CSMD1: variants seen among roughly 807,000 people sequenced by gnomAD.
The protein encoded by CSMD1 is CUB and sushi domain-containing protein 1.
CSMD1 carries 213 observed loss-of-function variants against 417.5 expected under a neutral mutation model. That is an observed-to-expected ratio of 0.51 (90% CI 0.46 to 0.57). CSMD1 has a LOEUF of 0.57. Among genes scored for constraint, CSMD1 ranks in the 20% least tolerant of loss-of-function variants. The pLI is 0.00. For missense variants in CSMD1, 6,923 were observed against 4,529.7 expected (o/e 1.53, Z -15.17); for synonymous variants, 2,862 against 1,736.8 (o/e 1.65, Z -16.11).
chr8:3,794,618 A>ATT (rs33913201), intron 5 of CSMD1, among the ~76,000 whole-genome samples: 3 of 151,622 alleles, frequency 2.0e-5, no homozygotes, highest in Non-Finnish European at 4.4e-5. Flanking sequence ...ATTAATAATT[A>ATT]TTTTTTAATT....
chr8:4,136,898 A>C (rs1238400172), intron 3 of CSMD1, among the ~76,000 whole-genome samples: 3 of 152,210 alleles, frequency 2.0e-5, no homozygotes, highest in Non-Finnish European at 4.4e-5. Context: ...TTAACAAAGA[A>C]AACAGTCACA....
chr8:4,513,557 A>G (rs947494669), intron 2 of CSMD1, among the ~76,000 whole-genome samples: 2 of 152,214 alleles, frequency 1.3e-5, no homozygotes, highest in Admixed American at 1.3e-4. Context: ...CTAGAGAATC[A>G]TATCAAGTGA....
At chr8:4,843,434 TACAACAACA>T in intron 1 of CSMD1, among the ~76,000 whole-genome samples, 1 of 151,470 alleles carries the variant, frequency 6.6e-6, no homozygotes, top group East Asian at 2.0e-4. Flanking sequence ...TTGGAGAGAT[TACAACAACA>T]ACAACAACAA....
At chr8:4,466,224 C>G (rs962166876) in intron 2 of CSMD1, among the ~76,000 whole-genome samples, 2 of 152,044 alleles carry the variant, frequency 1.3e-5, no homozygotes, top group Admixed American at 6.6e-5. Context: ...AGACAGGGAT[C>G]TCTCCTGGCT....
intron 11 of CSMD1, among the ~76,000 whole-genome samples, chr8:3,474,776 C>G (rs954078746): frequency 3.4e-4 from 51 of 152,162 alleles, no homozygotes; most frequent in Non-Finnish European, 6.8e-4. Flanking sequence ...TATAGTTACA[C>G]AACTAGTCTT....
At chr8:3,418,212 C>G (rs1264215653) in intron 12 of CSMD1, among the ~76,000 whole-genome samples, 4 of 152,116 alleles carry the variant, frequency 2.6e-5, no homozygotes, top group Non-Finnish European at 4.4e-5. Flanking sequence ...GTTTTTCCTT[C>G]CCTTTTGTGG....
intron 26 of CSMD1, among the ~76,000 whole-genome samples, chr8:3,261,539 C>A (rs956315869): frequency 1.3e-5 from 2 of 152,110 alleles, no homozygotes; most frequent in Non-Finnish European, 2.9e-5. Context: ...AAAAGAAAAC[C>A]TGCGCGTGAA....
At chr8:3,871,055 T>A (rs1191067641) in intron 5 of CSMD1, among the ~76,000 whole-genome samples, 1 of 152,120 alleles carries the variant, frequency 6.6e-6, no homozygotes, top group Non-Finnish European at 1.5e-5. Flanking sequence ...TTGTGTATTA[T>A]TCCATGACTT....
At chr8:4,407,479 T>C (rs186975647) in intron 3 of CSMD1, among the ~76,000 whole-genome samples, 1 of 152,314 alleles carries the variant, frequency 6.6e-6, no homozygotes. Context: ...TAATTTTGTA[T>C]ATAATAAATT....
intron 2 of CSMD1, among the ~76,000 whole-genome samples, chr8:4,532,069 C>T (rs1407024510): frequency 6.9e-6 from 1 of 145,312 alleles, no homozygotes; most frequent in African/African-American, 2.6e-5. Context: ...AATCCCGCAC[C>T]CTCATTCACA....
Position 3,770,315 on chromosome 8 carries a change from G to A in CSMD1, c.819-16273C>T, listed in dbSNP as rs977913018. 5.3e-5 allele frequency among the ~76,000 whole-genome samples: 8 copies of A among 152,280 alleles called. No individual in the cohort carries two copies. The East Asian group carries it at 7.7e-4, about 15-fold the overall frequency. On this transcript the variant is annotated intron_variant, in intron 5 of 69. Transcript: ENST00000635120. ...GGCCGAGGGCGGGGGTGGATCACAA[G>A]ATCAGGAGTTCAAGACCAGCCTGTC...
rs183451630 is a variant in CSMD1 at position 4,580,672 on chromosome 8, T to C, written c.302+56670A>G. Among the ~76,000 whole-genome samples, 38 of 152,226 alleles carry C rather than the reference T, an allele frequency of 2.5e-4. 1 individual carries two copies. The East Asian group carries it at 6.8e-3, about 27-fold the overall frequency. On this transcript the variant is annotated intron_variant, in intron 2 of 69. Coordinates refer to ENST00000635120, the MANE Select transcript of CSMD1 (RefSeq NM_033225.6). The stretch of plus-strand genomic sequence containing the variant: ...TCTCTTCTACCCTGGCTGAGCAAAA[T>C]GCACCGCGTCTTCCAAGGTAAATGC...
intron 3 of CSMD1, among the ~76,000 whole-genome samples, chr8:4,056,602 G>A (rs527687875): frequency 8.0e-4 from 121 of 151,880 alleles, no homozygotes; most frequent in Non-Finnish European, 1.2e-3. Context: ...AGTTACCTAT[G>A]TATACATGTG....
chr8:3,515,683 A>T (rs1427142456), intron 10 of CSMD1, among the ~76,000 whole-genome samples: 1 of 152,220 alleles, frequency 6.6e-6, no homozygotes, highest in Non-Finnish European at 1.5e-5. Context: ...CAAGTCAATC[A>T]TCACATATTC....
chr8:3,745,447 T>C (rs1217799960), intron 6 of CSMD1, among the ~76,000 whole-genome samples: 1 of 152,180 alleles, frequency 6.6e-6, no homozygotes, highest in Non-Finnish European at 1.5e-5. Context: ...GGTGAGTAAA[T>C]GCCAACTTGA....
At chr8:3,008,385 G>T (rs1449724553) in intron 52 of CSMD1, among the ~76,000 whole-genome samples, 2 of 152,176 alleles carry the variant, frequency 1.3e-5, no homozygotes, top group African/African-American at 4.8e-5. Flanking sequence ...CTTAGACCAG[G>T]GGAGGCTGCA....
At chr8:3,718,248 T>A (rs1168515749) in intron 6 of CSMD1, among the ~76,000 whole-genome samples, 2 of 152,208 alleles carry the variant, frequency 1.3e-5, no homozygotes, top group Non-Finnish European at 2.9e-5. Flanking sequence ...CAAGGTTATT[T>A]TGACTGCAGC....
At chr8:4,453,214 G>C (rs1026400762) in intron 2 of CSMD1, among the ~76,000 whole-genome samples, 2 of 94,966 alleles carry the variant, frequency 2.1e-5, no homozygotes, top group South Asian at 8.1e-4. Context: ...GACACACACA[G>C]AGACACACAC....
intron 2 of CSMD1, among the ~76,000 whole-genome samples, chr8:4,567,738 A>G (rs1798684537): frequency 6.6e-6 from 1 of 152,122 alleles, no homozygotes; most frequent in Admixed American, 6.5e-5. Flanking sequence ...GATATATGCT[A>G]TCTACATTGC....
Sources: gnomAD v4.1 joint callset for allele counts (sites outside exome capture counted in the v4.1 genomes callset) on GRCh38, gnomAD v4.1.1 for gene constraint, MANE v1.5 for transcripts, NCBI Gene and HGNC (gene_info 2026-07-23, HGNC 2026-07-21) for gene names.